CTDSP2: variants seen among roughly 807,000 people sequenced by gnomAD.
CTDSP2 encodes CTD small phosphatase 2.
A neutral mutation model predicts 31.6 loss-of-function variants in CTDSP2; 9 were observed. The observed-to-expected ratio is 0.28, with a 90% CI of 0.17 to 0.50. CTDSP2 has a LOEUF of 0.50. Ranked by LOEUF, CTDSP2 falls within the 20% of genes least tolerant of loss-of-function variation. The pLI, the probability that CTDSP2 is intolerant of heterozygous loss-of-function variation, is 0.98. For synonymous variants in CTDSP2, 134 were observed against 134.5 expected (o/e 1.00, Z 0.03); for missense variants, 267 against 348.5 (o/e 0.77, Z 1.86).
rs1956316883 is a variant in CTDSP2, at chr12:57,846,422, G to A, written c.14C>T (p.Ser5Phe). Residue 5 changes from serine to phenylalanine, a missense_variant, in exon 1 of 8, where the codon TCC becomes TTC. Ser to Phe is a radical substitution (Grantham distance 155, BLOSUM62 -2). Transcript: ENST00000398073. MEHG[S>F]IITQARREDA... is the part of the protein sequence containing the mutation. ...TTCCCTCCGCGCCTGGGTGATGATG[G>A]AGCCGTGTTCCATCTAACAATCCCG... 4 of 1,606,018 alleles carry A rather than the reference G, an allele frequency of 2.5e-6. No homozygotes were observed. Among genetic ancestry groups the A allele is most frequent in the Non-Finnish European group, 3.4e-6 (4 of 1,176,632 alleles).
In CTDSP2 at chr12:57,821,502, A is replaced by G. The variant is rs986684425; in HGVS notation, c.*2100T>C. The G allele has an allele frequency of 1.3e-5, 2 of 152,624 alleles. No homozygotes were observed. Among genetic ancestry groups the G allele is most frequent in the Non-Finnish European group, 2.9e-5 (2 of 68,038 alleles). The allele number at this position is 152,624 out of a possible 1,614,324, so 9.5% of individuals were successfully genotyped here. A position where few individuals can be genotyped will look rare whatever the true frequency, so the allele number is the denominator to read the frequency against. ...GTCAGCTTAGAGCCTCTTATTGCTT[A>G]TTTAGTCAGAAAAGCCTGGCTGGGC... On this transcript the variant is annotated 3_prime_UTR_variant, in exon 8 of 8. Transcript: ENST00000398073.
chr12:57,831,793 G>T (rs748858442), intron 1 of CTDSP2, among the ~76,000 whole-genome samples: 30 of 152,240 alleles, frequency 2.0e-4, no homozygotes, highest in Non-Finnish European at 3.4e-4. Flanking sequence ...GCCCTGTGTT[G>T]TTCCTTGGGA....
chr12:57,824,745 G>T, intron 5 of CTDSP2: 1 of 518,104 alleles, frequency 1.9e-6, no homozygotes. Flanking sequence ...TCCAGGTCAT[G>T]ATTAGGTAAT....
At chr12:57,824,795 C>A (rs1595186479) in intron 5 of CTDSP2, 2 of 429,126 alleles carry the variant, frequency 4.7e-6, no homozygotes, top group South Asian at 1.7e-5. Flanking sequence ...CCCTCAATGA[C>A]CATAGACTAG....
rs367578724 is a variant in CTDSP2 at position 57,823,892 on chromosome 12, A to G, written c.690+12T>C. 6 of 1,613,740 alleles carry G rather than the reference A, an allele frequency of 3.7e-6. No individual in the cohort carries two copies. The South Asian group carries it at 5.5e-5, about 15-fold the overall frequency. ...CCAATCCCTACCGTGGAGACGCATCAGGAGCACTCACTGCATTCTCGGGGT... is the reference window on the plus strand; with the variant it reads ...CCAATCCCTACCGTGGAGACGCATCGGGAGCACTCACTGCATTCTCGGGGT... On this transcript the variant is annotated intron_variant, in intron 7 of 7. Coordinates refer to ENST00000398073, the MANE Select transcript of CTDSP2 (RefSeq NM_005730.4).
chr12:57,835,903 C>T (rs1289401782), intron 1 of CTDSP2, among the ~76,000 whole-genome samples: 2 of 152,238 alleles, frequency 1.3e-5, no homozygotes, highest in African/African-American at 4.8e-5. Flanking sequence ...TTAGTTTCCT[C>T]ATCCATAAAC....
chr12:57,826,865 A>G, intron 4 of CTDSP2, 131 bp downstream of exon 4: 1 of 701,294 alleles, frequency 1.4e-6, no homozygotes. Context: ...GGTGGCCAAA[A>G]TGCCAGAGGC....
chr12:57,835,780 G>A lies in CTDSP2; in HGVS notation c.65-6184C>T, dbSNP rs987632998. 2.6e-5 allele frequency among the ~76,000 whole-genome samples: 4 copies of A among 152,208 alleles called. No individual in the cohort carries two copies. The East Asian group carries it at 7.7e-4, about 29-fold the overall frequency. ...TCACTGCTGCGAGTCTTCCTACTGAGGCGGGGTGTGAGGAGAAGAGGGGAT... is the reference window on the plus strand; with the variant it reads ...TCACTGCTGCGAGTCTTCCTACTGAAGCGGGGTGTGAGGAGAAGAGGGGAT... On this transcript the variant is annotated intron_variant, in intron 1 of 7. Transcript: ENST00000398073.
rs1956149866 is a variant in CTDSP2, at chr12:57,822,064, A to C, written c.*1538T>G. The C allele has an allele frequency of 6.6e-6, 1 of 152,166 alleles. No individual in the cohort carries two copies. Among genetic ancestry groups the C allele is most frequent in the African/African-American group, 2.4e-5 (1 of 41,418 alleles). 9.4% of individuals were successfully genotyped at this position (152,166 alleles called of 1,614,324 possible). On this transcript the variant is annotated 3_prime_UTR_variant, in exon 8 of 8. Transcript: ENST00000398073. ...CAAATGCTTTGTGATACCTGCCTCC[A>C]GGGAACACAGAGATGGGAACAGGAG...
At position 57,821,022 on chromosome 12, in the gene CTDSP2, G is replaced by A. The variant is rs966647817; in HGVS notation, c.*2580C>T. 6.6e-6 allele frequency: 1 copy of A among 152,364 alleles called. No homozygotes were observed. Among genetic ancestry groups the A allele is most frequent in the South Asian group, 2.1e-4 (1 of 4,830 alleles). The allele number at this position is 152,364 out of a possible 1,614,324, so 9.4% of individuals were successfully genotyped here. ...GGGCTGATGGTGGGAAGCCCTAGAA[G>A]AGAGTCTGGGATGAAGCGGCCTCCT... On this transcript the variant is annotated 3_prime_UTR_variant, in exon 8 of 8. Transcript: ENST00000398073.
chr12:57,838,871 A>G (rs751682322), intron 1 of CTDSP2, among the ~76,000 whole-genome samples: 3 of 152,234 alleles, frequency 2.0e-5, no homozygotes, highest in South Asian at 2.1e-4. Flanking sequence ...GTAAGTGTCA[A>G]CTGCTACTCA....
chr12:57,832,050 G>A (rs1207613493), intron 1 of CTDSP2, among the ~76,000 whole-genome samples: 4 of 152,224 alleles, frequency 2.6e-5, no homozygotes, highest in Non-Finnish European at 5.9e-5. Context: ...CCTAGGATAA[G>A]GGACTCAGCT....
chr12:57,836,559 C>T (rs1490787926), intron 1 of CTDSP2, among the ~76,000 whole-genome samples: 7 of 151,992 alleles, frequency 4.6e-5, no homozygotes, highest in Non-Finnish European at 5.9e-5. Context: ...GGAGAATCAC[C>T]GGAGCCCAGG....
chr12:57,833,381 C>T (rs925219494), intron 1 of CTDSP2, among the ~76,000 whole-genome samples: 1 of 152,218 alleles, frequency 6.6e-6, no homozygotes, highest in Non-Finnish European at 1.5e-5. Context: ...ACCTTGGGGG[C>T]AGGAGCTTGA....
chr12:57,839,278 A>G (rs946220312), intron 1 of CTDSP2, among the ~76,000 whole-genome samples: 2 of 152,152 alleles, frequency 1.3e-5, no homozygotes, highest in African/African-American at 4.8e-5. Context: ...CAGCTTTTCA[A>G]CAGTTCCGTG....
In CTDSP2 at chr12:57,829,300, C is replaced by T; in HGVS notation, c.213+148G>A. On this transcript the variant is annotated intron_variant, in intron 2 of 7. Coordinates refer to ENST00000398073, the MANE Select transcript of CTDSP2 (RefSeq NM_005730.4). ...GAAGGAACAGAAAGGAAATACACTA[C>T]TTATGGAAGGATGGAGGAAGGGCCC... The T allele has an allele frequency of 3.4e-6, 3 of 892,370 alleles. 1 individual carries two copies. The highest frequency in any genetic ancestry group is 5.3e-6 in the Non-Finnish European group (3 of 567,558). 55.3% of individuals were successfully genotyped at this position (892,370 alleles called of 1,614,324 possible). A position where few individuals can be genotyped will look rare whatever the true frequency, so the allele number is the denominator to read the frequency against.
intron 5 of CTDSP2, chr12:57,824,567 C>T (rs976374937): frequency 3.0e-6 from 2 of 662,736 alleles, no homozygotes; most frequent in Non-Finnish European, 5.8e-6. Flanking sequence ...AGCGCACACA[C>T]CATGTCCCAG....
At chr12:57,842,989 C>T (rs1295678269) in intron 1 of CTDSP2, among the ~76,000 whole-genome samples, 2 of 152,188 alleles carry the variant, frequency 1.3e-5, no homozygotes, top group African/African-American at 4.8e-5. Context: ...CAGAGATGGT[C>T]AGTCTCTCAG....
At chr12:57,830,477 G>A (rs1271798389) in intron 1 of CTDSP2, among the ~76,000 whole-genome samples, 1 of 152,116 alleles carries the variant, frequency 6.6e-6, no homozygotes, top group Non-Finnish European at 1.5e-5. Context: ...CAAGAGACTA[G>A]GAACTCCAGA....
Sources: gnomAD v4.1 joint callset for allele counts (sites outside exome capture counted in the v4.1 genomes callset) on GRCh38, gnomAD v4.1.1 for gene constraint, MANE v1.5 for transcripts, NCBI Gene and HGNC (gene_info 2026-07-23, HGNC 2026-07-21) for gene names.